KCNAB2: variants seen among roughly 807,000 people sequenced by gnomAD.
KCNAB2 encodes voltage-gated potassium channel subunit beta-2.
A neutral mutation model predicts 63.6 loss-of-function variants in KCNAB2; 29 were observed. The observed-to-expected ratio is 0.46, with a 90% CI of 0.34 to 0.62. KCNAB2 has a LOEUF of 0.62. KCNAB2 is among the 20% of genes least tolerant of loss of function. The pLI is 0.01. For missense variants in KCNAB2, 359 were observed against 563.9 expected (o/e 0.64, Z 3.68); for synonymous variants, 222 against 224.2 (o/e 0.99, Z 0.09).
Position 6,082,090 on chromosome 1 carries a change from G to T in KCNAB2, c.301-105G>T, listed in dbSNP as rs1199331028. ...AGGGGAGCCTGTCGGGCCCGGGAGG[G>T]CAGGGCCTGGACACGGGGAGGCCTC... On this transcript the variant is annotated intron_variant, in intron 4 of 15. Transcript: ENST00000378083. 1.2e-5 allele frequency: 11 copies of T among 914,526 alleles called. 1 individual carries two copies. Among genetic ancestry groups the T allele is most frequent in the South Asian group, 6.8e-5 (5 of 73,064 alleles). 56.7% of individuals were successfully genotyped at this position (914,526 alleles called of 1,614,324 possible).
Position 6,085,287 on chromosome 1 carries a change from G to A in KCNAB2, c.425+39G>A, listed in dbSNP as rs753642030. 2.5e-6 allele frequency: 4 copies of A among 1,595,858 alleles called. No homozygotes were observed. In the African/African-American group the frequency reaches 4.0e-5, roughly 16 times the overall value. On this transcript the variant is annotated intron_variant, in intron 6 of 15. Coordinates refer to ENST00000378083, the MANE Select transcript of KCNAB2 (RefSeq NM_001199862.2). ...TCTCTGCGGCCTGTCCCTGGGGTGGGTGCGGGCGAACTATCCCAGGGTCAG... is the reference window on the plus strand; with the variant it reads ...TCTCTGCGGCCTGTCCCTGGGGTGGATGCGGGCGAACTATCCCAGGGTCAG...
Position 6,101,040 on chromosome 1 carries a change from T to TA in KCNAB2, c.*2469dup, listed in dbSNP as rs55935809. 0.59 allele frequency: 90,221 copies of TA among 151,768 alleles called. 27,231 individuals carry two copies. Among genetic ancestry groups the TA allele is most frequent in the African/African-American group, 0.63 (26,108 of 41,370 alleles). The allele number at this position is 151,768 out of a possible 1,614,324, so 9.4% of individuals were successfully genotyped here. A position where few individuals can be genotyped will look rare whatever the true frequency, so the allele number is the denominator to read the frequency against. On this transcript the variant is annotated 3_prime_UTR_variant, in exon 16 of 16. Transcript: ENST00000378083. ...TTTTCTCTCCCCGAGTCTTTTTTTTTAAACCTACCGTGGTTCCTCAGCTAA... is the reference window on the plus strand; with the variant it reads ...TTTTCTCTCCCCGAGTCTTTTTTTTTAAAACCTACCGTGGTTCCTCAGCTAA...
chr1:6,092,762 C>T (rs1430695508), intron 10 of KCNAB2, among the ~76,000 whole-genome samples: 1 of 151,632 alleles, frequency 6.6e-6, no homozygotes, highest in Non-Finnish European at 1.5e-5. Flanking sequence ...CCAGAGAGTT[C>T]AGACTCCCTC....
In KCNAB2 at chr1:6,071,412, A is replaced by G. The variant is rs1350334325; in HGVS notation, c.219-1343A>G. 3.3e-5 allele frequency among the ~76,000 whole-genome samples: 5 copies of G among 152,158 alleles called. No homozygotes were observed. The highest frequency in any genetic ancestry group is 1.2e-4 in the African/African-American group (5 of 41,448). On this transcript the variant is annotated intron_variant, in intron 2 of 15. Coordinates refer to ENST00000378083, the MANE Select transcript of KCNAB2 (RefSeq NM_001199862.2). The surrounding 1 kb of genome is among the most constrained non-coding windows in gnomAD (Gnocchi z 8.5). ...CAAGGGAAGTGGAATCTGACCCCAG[A>G]TGGGTCAAGGCCTGGCTGCAGCTGT... is the stretch of plus-strand genomic sequence containing the variant.
chr1:6,035,389 C>T lies in KCNAB2; in HGVS notation c.-53+595C>T, dbSNP rs1471197093. Among the ~76,000 whole-genome samples, 4 of 152,050 alleles carry T rather than the reference C, an allele frequency of 2.6e-5. No individual in the cohort carries two copies. Among genetic ancestry groups the T allele is most frequent in the Non-Finnish European group, 5.9e-5 (4 of 68,020 alleles). On this transcript the variant is annotated intron_variant, in intron 1 of 15. Transcript: ENST00000164247. The surrounding 1 kb of genome is among the most constrained non-coding windows in gnomAD (Gnocchi z 5.0). ...TGTTCTGGGAGGATCACCCTGGCCG[C>T]GTAGAGTCTGCCGGCGGGGGTGGAG... is the stretch of plus-strand genomic sequence containing the variant.
chr1:6,085,278 C>G, intron 6 of KCNAB2, 30 bp downstream of exon 6: 1 of 1,609,046 alleles, frequency 6.2e-7, no homozygotes, highest in Non-Finnish European at 8.5e-7. Context: ...CGGCCTGTCC[C>G]TGGGGTGGGT....
intron 1 of KCNAB2, among the ~76,000 whole-genome samples, chr1:6,049,555 G>A (rs1262807410): frequency 1.3e-5 from 2 of 152,228 alleles, no homozygotes; most frequent in Non-Finnish European, 2.9e-5. Flanking sequence ...GGTGCAGACA[G>A]CACAGCAGGC....
intron 1 of KCNAB2, among the ~76,000 whole-genome samples, chr1:6,020,951 C>T (rs112326994): frequency 0.027 from 4,058 of 152,146 alleles, 190 homozygotes; most frequent in African/African-American, 0.093. Context: ...TGTAATCCCA[C>T]CTGTAAACCT....
chr1:6,058,028 A>G (rs1335045657), intron 2 of KCNAB2, among the ~76,000 whole-genome samples: 2 of 152,162 alleles, frequency 1.3e-5, no homozygotes, highest in Non-Finnish European at 2.9e-5. Flanking sequence ...GCAAGTGCCT[A>G]TGATCCCAGC....
chr1:6,000,746 C>T (rs1239566532), intron 1 of KCNAB2, among the ~76,000 whole-genome samples: 1 of 152,188 alleles, frequency 6.6e-6, no homozygotes, highest in Non-Finnish European at 1.5e-5. Context: ...GAAGTAGCAC[C>T]TGGGGGTCCT....
Position 6,024,261 on chromosome 1 carries a change from T to C in KCNAB2, c.-52-16256T>C, listed in dbSNP as rs902947509. Among the ~76,000 whole-genome samples, 3 of 152,028 alleles carry C rather than the reference T, an allele frequency of 2.0e-5. No homozygotes were observed. The highest frequency in any genetic ancestry group is 4.4e-5 in the Non-Finnish European group (3 of 68,002). On this transcript the variant is annotated intron_variant, in intron 1 of 16. Transcript: ENST00000341524. This position sits in a 1 kb window ranked among gnomAD's most constrained non-coding sequence, Gnocchi z 5.4. Reference sequence around the variant, plus strand: ...CCAGCTGCCAGGCTAATTTTTAAATTTTTTGTTAGAGATTGGGTCTCACTA... The same window carrying C: ...CCAGCTGCCAGGCTAATTTTTAAATCTTTTGTTAGAGATTGGGTCTCACTA...
rs6662514 is a variant in KCNAB2, at chr1:5,994,206, C to T, written c.-53+1418C>T. ...CCAGCCTCACCCCTCCCCTTTCCCC[C>T]AGTGCCAAGAGTAAGCTCCTGCTCT... On this transcript the variant is annotated intron_variant, in intron 1 of 16. Coordinates refer to the KCNAB2 transcript ENST00000341524. The surrounding 1 kb of genome is among the most constrained non-coding windows in gnomAD (Gnocchi z 5.4). 6.6e-6 allele frequency among the ~76,000 whole-genome samples: 1 copy of T among 152,116 alleles called. No individual in the cohort carries two copies. Among genetic ancestry groups the T allele is most frequent in the Non-Finnish European group, 1.5e-5 (1 of 68,008 alleles).
chr1:6,066,217 G>A (rs942212163), intron 2 of KCNAB2, among the ~76,000 whole-genome samples: 5 of 152,342 alleles, frequency 3.3e-5, no homozygotes, highest in South Asian at 2.1e-4. Flanking sequence ...GACAGCTGTC[G>A]GTGCAGAGCC....
chr1:6,023,576 T>G (rs1443801842), intron 1 of KCNAB2, among the ~76,000 whole-genome samples: 2 of 152,254 alleles, frequency 1.3e-5, no homozygotes, highest in African/African-American at 4.8e-5. Context: ...AATGTGTTTA[T>G]TAGCCATTTG....
intron 2 of KCNAB2, among the ~76,000 whole-genome samples, chr1:6,058,477 G>T (rs1450966218): frequency 6.6e-6 from 1 of 152,214 alleles, no homozygotes; most frequent in Non-Finnish European, 1.5e-5. Context: ...GGAAAGTGGA[G>T]ACCGGGGTCA....
chr1:6,087,544 CG>C lies in KCNAB2; in HGVS notation c.470+35del, dbSNP rs1557504885. The C allele has an allele frequency of 1.2e-6, 2 of 1,612,426 alleles. No homozygotes were observed. The highest frequency in any genetic ancestry group is 1.7e-6 in the Non-Finnish European group (2 of 1,178,592). On this transcript the variant is annotated intron_variant, in intron 7 of 15. Coordinates refer to ENST00000378083, the MANE Select transcript of KCNAB2 (RefSeq NM_001199862.2). The surrounding 1 kb of genome is among the most constrained non-coding windows in gnomAD (Gnocchi z 6.4). Reference sequence around the variant, plus strand: ...CAACAGCTGGCGATGCTTCCAGCCCCGGCCCAGCAGCCACGGCCCCGTGCTC... The same window carrying C: ...CAACAGCTGGCGATGCTTCCAGCCCCGCCCAGCAGCCACGGCCCCGTGCTC...
intron 2 of KCNAB2, among the ~76,000 whole-genome samples, chr1:6,063,767 T>C (rs1662518193): frequency 6.6e-6 from 1 of 152,350 alleles, no homozygotes; most frequent in Non-Finnish European, 1.5e-5. Context: ...CTACATCCTG[T>C]TTCTCCATTT....
At chr1:6,020,387 C>G (rs1658751273) in intron 1 of KCNAB2, among the ~76,000 whole-genome samples, 1 of 152,112 alleles carries the variant, frequency 6.6e-6, no homozygotes, top group African/African-American at 2.4e-5. Context: ...GCCTCTCAGA[C>G]TGCCACCTTC....
upstream of KCNAB2, among the ~76,000 whole-genome samples, chr1:6,033,334 T>G (rs572261557): frequency 4.0e-5 from 6 of 148,572 alleles, no homozygotes; most frequent in Non-Finnish European, 7.4e-5. Flanking sequence ...GTGCCTGTAT[T>G]GTGCATGTGT....
Sources: gnomAD v4.1 joint callset for allele counts (sites outside exome capture counted in the v4.1 genomes callset) on GRCh38, gnomAD v4.1.1 for gene constraint, Gnocchi (gnomAD v3.1) non-coding constraint, MANE v1.5 for transcripts, NCBI Gene and HGNC (gene_info 2026-07-23, HGNC 2026-07-21) for gene names.